HCN1: variants seen among roughly 807,000 people sequenced by gnomAD.
HCN1 encodes the protein potassium/sodium hyperpolarization-activated cyclic nucleotide-gated channel 1.
A neutral mutation model predicts 78.9 loss-of-function variants in HCN1; 13 were observed. The observed-to-expected ratio is 0.16, with a 90% CI of 0.11 to 0.26. The LOEUF (loss-of-function observed/expected upper bound fraction) is 0.26, where lower values mean the gene tolerates loss of function less well. Ranked by LOEUF, HCN1 falls within the 10% of genes least tolerant of loss-of-function variation. The probability of loss-of-function intolerance (pLI) is 1.00; values close to 1 mark genes in which losing one functional copy is unlikely to be tolerated. For missense variants in HCN1, 810 were observed against 1,154.3 expected, an observed-to-expected ratio of 0.70 and a Z score of 4.32; for synonymous variants, 552 against 455.5, an observed-to-expected ratio of 1.21 and a Z score of -2.70.
chr5:45,602,781 C>T (rs907830269), intron 2 of HCN1, among the ~76,000 whole-genome samples: 2 of 152,138 alleles, frequency 1.3e-5, no homozygotes, highest in East Asian at 3.9e-4. Flanking sequence ...AAAACTCCAG[C>T]GAATACACAT....
chr5:45,554,828 G>T (rs1743440291), intron 2 of HCN1, among the ~76,000 whole-genome samples: 1 of 151,870 alleles, frequency 6.6e-6, no homozygotes, highest in African/African-American at 2.4e-5. Context: ...TATTAAAGAA[G>T]AAGGGGTGAA....
At chr5:45,674,620 T>TG (rs1746226826) in intron 1 of HCN1, among the ~76,000 whole-genome samples, 1 of 151,818 alleles carries the variant, frequency 6.6e-6, no homozygotes, top group South Asian at 2.1e-4. Flanking sequence ...TAATATCAAC[T>TG]GTATTTTTAG....
intron 1 of HCN1, among the ~76,000 whole-genome samples, chr5:45,653,930 T>C (rs182779348): frequency 1.3e-5 from 2 of 152,022 alleles, no homozygotes; most frequent in East Asian, 1.9e-4. Flanking sequence ...TAATAATAAA[T>C]AAATAAATAA....
chr5:45,311,711 A>G (rs1191824141), intron 5 of HCN1, among the ~76,000 whole-genome samples: 1 of 152,206 alleles, frequency 6.6e-6, no homozygotes, highest in Non-Finnish European at 1.5e-5. Context: ...GATTTCAGTA[A>G]TATTCTTTGC....
At chr5:45,478,669 G>A (rs7727890) in intron 2 of HCN1, among the ~76,000 whole-genome samples, 77,804 of 152,054 alleles carry the variant, frequency 0.51, 21,527 homozygotes, top group African/African-American at 0.72. Flanking sequence ...TAGGCAACCA[G>A]TGTGGCCAGA....
At chr5:45,607,666 G>T (rs1444800574) in intron 2 of HCN1, among the ~76,000 whole-genome samples, 2 of 150,668 alleles carry the variant, frequency 1.3e-5, no homozygotes, top group South Asian at 2.1e-4. Flanking sequence ...TACAGAAAGG[G>T]TATTCAATAC....
At chr5:45,664,439 C>A in intron 1 of HCN1, among the ~76,000 whole-genome samples, 1 of 141,380 alleles carries the variant, frequency 7.1e-6, no homozygotes, top group Admixed American at 7.1e-5. Flanking sequence ...CACATGTACC[C>A]TAAAACTTAA....
rs185733451 is a variant in HCN1 at position 45,477,689 on chromosome 5, A to G, written c.850-15682T>C. 2.4e-3 allele frequency among the ~76,000 whole-genome samples: 367 copies of G among 152,306 alleles called. 3 individuals are homozygous for G. Among genetic ancestry groups the G allele is most frequent in the African/African-American group, 8.3e-3 (344 of 41,560 alleles). ...ATATTTTAAGTTAAATAACATAAGTAATGTGCAAAAATGTATTGCAAATAT... is the reference window on the plus strand; with the variant it reads ...ATATTTTAAGTTAAATAACATAAGTGATGTGCAAAAATGTATTGCAAATAT... On this transcript the variant is annotated intron_variant, in intron 2 of 7. Transcript: ENST00000303230.
chr5:45,583,602 T>G (rs1344116181), intron 2 of HCN1, among the ~76,000 whole-genome samples: 1 of 152,206 alleles, frequency 6.6e-6, no homozygotes, highest in African/African-American at 2.4e-5. Context: ...TCTCTAGTTC[T>G]TTTAATTGTG....
At chr5:45,563,993 T>G (rs967832069) in intron 2 of HCN1, among the ~76,000 whole-genome samples, 1 of 152,196 alleles carries the variant, frequency 6.6e-6, no homozygotes, top group African/African-American at 2.4e-5. Context: ...AACTTACAAC[T>G]GAGGTGACAT....
intron 3 of HCN1, among the ~76,000 whole-genome samples, chr5:45,408,767 C>T (rs1236520206): frequency 6.6e-6 from 1 of 152,016 alleles, no homozygotes. Flanking sequence ...TTTAATGCTG[C>T]TATTTTGAGG....
At chr5:45,441,153 T>C (rs1384672053) in intron 3 of HCN1, among the ~76,000 whole-genome samples, 3 of 152,214 alleles carry the variant, frequency 2.0e-5, no homozygotes, top group African/African-American at 7.2e-5. Flanking sequence ...CAGTATTCTG[T>C]TTCCTTGCTT....
chr5:45,535,555 G>T (rs1001155925), intron 2 of HCN1, among the ~76,000 whole-genome samples: 27 of 151,938 alleles, frequency 1.8e-4, no homozygotes, highest in Non-Finnish European at 3.7e-4. Context: ...TTGAGATTGT[G>T]CCACTGCCCT....
chr5:45,465,858 G>A (rs966312949), intron 2 of HCN1, among the ~76,000 whole-genome samples: 2 of 152,136 alleles, frequency 1.3e-5, no homozygotes, highest in East Asian at 3.9e-4. Context: ...GTCCAGCTCA[G>A]GACATTGTGC....
At chr5:45,513,323 A>G (rs567278869) in intron 2 of HCN1, among the ~76,000 whole-genome samples, 14 of 152,316 alleles carry the variant, frequency 9.2e-5, no homozygotes, top group African/African-American at 3.1e-4. Context: ...AGCTCATAGG[A>G]AAGTTACATG....
At chr5:45,530,032 G>A (rs894137368) in intron 2 of HCN1, among the ~76,000 whole-genome samples, 6 of 151,994 alleles carry the variant, frequency 3.9e-5, no homozygotes, top group Admixed American at 6.6e-5. Context: ...GTATTTCTAT[G>A]TCTAATCTGT....
intron 1 of HCN1, among the ~76,000 whole-genome samples, chr5:45,668,466 C>A (rs1048719744): frequency 6.6e-6 from 1 of 151,888 alleles, no homozygotes; most frequent in African/African-American, 2.4e-5. Flanking sequence ...TTTCCTGAAG[C>A]CTCCCTAGCC....
At chr5:45,373,635 A>G (rs1161074697) in intron 4 of HCN1, among the ~76,000 whole-genome samples, 1 of 135,102 alleles carries the variant, frequency 7.4e-6, no homozygotes, top group Non-Finnish European at 1.6e-5. Context: ...CATACGGTAT[A>G]TACGTCATCT....
chr5:45,303,345 T>C (rs1050284951), intron 6 of HCN1, among the ~76,000 whole-genome samples: 10 of 152,140 alleles, frequency 6.6e-5, no homozygotes, highest in African/African-American at 2.4e-4. Context: ...TACTTTCCAT[T>C]TGACTTAAGC....
Sources: allele counts gnomAD v4.1 joint callset (sites outside exome capture counted in the v4.1 genomes callset), GRCh38; gene constraint gnomAD v4.1.1; transcripts MANE v1.5; gene names NCBI Gene and HGNC (gene_info 2026-07-23, HGNC 2026-07-21).